KIAA0825: variants seen among roughly 807,000 people sequenced by gnomAD.
The protein encoded by KIAA0825 is uncharacterized protein KIAA0825.
KIAA0825 carries 119 observed loss-of-function variants against 147.6 expected under a neutral mutation model. The observed-to-expected ratio is 0.81, with a 90% confidence interval of 0.69 to 0.94. The LOEUF (loss-of-function observed/expected upper bound fraction) is 0.94. Ranked by LOEUF, KIAA0825 falls within the 40% of genes least tolerant of loss-of-function variation. The pLI is 0.00. For synonymous variants in KIAA0825, 470 were observed against 518.1 expected (o/e 0.91, Z 1.26); for missense variants, 1,381 against 1,472.7 (o/e 0.94, Z 1.02).
chr5:94,565,343 T>A (rs1473049211), intron 2 of KIAA0825, among the ~76,000 whole-genome samples: 2 of 130,904 alleles, frequency 1.5e-5, no homozygotes, highest in Admixed American at 1.5e-4. Context: ...GGATTTTAAT[T>A]CCTTTTTTTT....
At chr5:94,429,361 G>A (rs1755336812) in intron 14 of KIAA0825, among the ~76,000 whole-genome samples, 1 of 151,470 alleles carries the variant, frequency 6.6e-6, no homozygotes, top group South Asian at 2.1e-4. Context: ...TAGTATGTTT[G>A]CTTTTTCTTT....
intron 20 of KIAA0825, among the ~76,000 whole-genome samples, chr5:94,364,015 T>C (rs1584260635): frequency 2.0e-5 from 3 of 152,084 alleles, no homozygotes; most frequent in Admixed American, 2.0e-4. Context: ...AACAGACCCA[T>C]GCTTTCACCA....
At chr5:94,281,278 TCATTTAAAGTATAGA>T (rs1197972875) in intron 20 of KIAA0825, among the ~76,000 whole-genome samples, 1 of 151,568 alleles carries the variant, frequency 6.6e-6, no homozygotes, top group South Asian at 2.1e-4. Flanking sequence ...TTGCGTATTG[TCATTTAAAGTATAGA>T]CATAAATAAG....
chr5:94,299,044 C>A (rs376340076), intron 20 of KIAA0825, among the ~76,000 whole-genome samples: 1 of 152,042 alleles, frequency 6.6e-6, no homozygotes, highest in Non-Finnish European at 1.5e-5. Context: ...CAGCATATTG[C>A]ACATCACCAA....
At chr5:94,560,688 A>G (rs1008937421) in intron 2 of KIAA0825, among the ~76,000 whole-genome samples, 5 of 152,188 alleles carry the variant, frequency 3.3e-5, no homozygotes, top group African/African-American at 1.2e-4. Flanking sequence ...TTTTCTCCGT[A>G]AGATCTTAAA....
chr5:94,216,688 A>G lies in KIAA0825; in HGVS notation c.3711-62564T>C, dbSNP rs192945167. ...TCTTCTCACTTCCCCCACATAGAAAAGATTCACAAGAATTGTCTCTAAGAA... is the reference window on the plus strand; with the variant it reads ...TCTTCTCACTTCCCCCACATAGAAAGGATTCACAAGAATTGTCTCTAAGAA... On this transcript the variant is annotated intron_variant, in intron 20 of 20. Transcript: ENST00000682413. Among the ~76,000 whole-genome samples, 130 of 152,322 alleles carry G rather than the reference A, an allele frequency of 8.5e-4. 2 individuals carry two copies. Among genetic ancestry groups the G allele is most frequent in the Admixed American group, 8.4e-3 (129 of 15,284 alleles).
intron 1 of KIAA0825, among the ~76,000 whole-genome samples, chr5:94,587,600 C>T (rs1783552268): frequency 6.6e-6 from 1 of 152,062 alleles, no homozygotes; most frequent in African/African-American, 2.4e-5. Flanking sequence ...GAATCAATAT[C>T]GTGAAAATGG....
intron 20 of KIAA0825, among the ~76,000 whole-genome samples, chr5:94,298,746 G>C (rs1778253295): frequency 6.6e-6 from 1 of 152,190 alleles, no homozygotes; most frequent in African/African-American, 2.4e-5. Flanking sequence ...CCTTCGAGTA[G>C]TTTAGTGTTG....
chr5:94,180,200 T>A (rs1249822825), intron 20 of KIAA0825, among the ~76,000 whole-genome samples: 1 of 151,982 alleles, frequency 6.6e-6, no homozygotes, highest in Non-Finnish European at 1.5e-5. Context: ...CCTGATACAA[T>A]AAACTGACAA....
At chr5:94,530,448 C>T (rs1770564592) in intron 3 of KIAA0825, among the ~76,000 whole-genome samples, 1 of 152,042 alleles carries the variant, frequency 6.6e-6, no homozygotes, top group Admixed American at 6.6e-5. Flanking sequence ...CCATGCCTGG[C>T]TTAAAGAAAA....
chr5:94,540,430 G>T (rs1367682945), intron 2 of KIAA0825, among the ~76,000 whole-genome samples: 1 of 152,148 alleles, frequency 6.6e-6, no homozygotes, highest in Non-Finnish European at 1.5e-5. Flanking sequence ...TATGTCCTTG[G>T]GAGCTTGACC....
intron 20 of KIAA0825, among the ~76,000 whole-genome samples, chr5:94,308,411 T>C (rs1778882377): frequency 6.6e-6 from 1 of 151,682 alleles, no homozygotes; most frequent in Non-Finnish European, 1.5e-5. Context: ...GTTTTAAAGA[T>C]CAAGCAGCCA....
chr5:94,599,331 GTTTT>G (rs57220290), intron 1 of KIAA0825, among the ~76,000 whole-genome samples: 1 of 98,512 alleles, frequency 1.0e-5, no homozygotes, highest in Non-Finnish European at 2.0e-5. Context: ...GATTATTTGG[GTTTT>G]TTTTTTTTTT....
intron 7 of KIAA0825, 96 bp from the exon 8 acceptor site, chr5:94,473,615 G>T: frequency 1.3e-6 from 1 of 796,136 alleles, no homozygotes; most frequent in South Asian, 1.9e-5. Flanking sequence ...CATTCAACAT[G>T]TTGAATATAT....
In KIAA0825 at chr5:94,556,375, G is replaced by A. The variant is rs541476019; in HGVS notation, c.-1-19248C>T. 1.4e-4 allele frequency among the ~76,000 whole-genome samples: 21 copies of A among 152,134 alleles called. 1 individual carries two copies. The South Asian group carries it at 2.5e-3, about 18-fold the overall frequency. ...AGCATGAGCATGAGCCACATGCCCCGCCAGATGTCAATTACATTTTAAAGA... is the reference window on the plus strand; with the variant it reads ...AGCATGAGCATGAGCCACATGCCCCACCAGATGTCAATTACATTTTAAAGA... On this transcript the variant is annotated intron_variant, in intron 2 of 20. Coordinates refer to ENST00000682413, the MANE Select transcript of KIAA0825 (RefSeq NM_001145678.3).
intron 20 of KIAA0825, among the ~76,000 whole-genome samples, chr5:94,248,342 A>AAT (rs1775735188): frequency 6.6e-6 from 1 of 152,116 alleles, no homozygotes; most frequent in Admixed American, 6.6e-5. Context: ...TTGTGTCCTG[A>AAT]TTTGACACAA....
At chr5:94,321,759 T>G (rs1387758942) in intron 20 of KIAA0825, among the ~76,000 whole-genome samples, 2 of 151,986 alleles carry the variant, frequency 1.3e-5, no homozygotes, top group African/African-American at 4.8e-5. Flanking sequence ...ATTAACACAT[T>G]GCACATCTTC....
intron 20 of KIAA0825, among the ~76,000 whole-genome samples, chr5:94,296,126 G>A (rs1238374249): frequency 6.6e-6 from 1 of 152,198 alleles, no homozygotes; most frequent in Admixed American, 6.5e-5. Flanking sequence ...AATCTAAAGA[G>A]GCAGTCTGGC....
intron 6 of KIAA0825, among the ~76,000 whole-genome samples, chr5:94,484,282 A>G (rs147599135): frequency 3.0e-3 from 453 of 151,914 alleles, no homozygotes; most frequent in Non-Finnish European, 4.3e-3. Context: ...TCACAACCCT[A>G]TATAACATTA....
Sources: gnomAD v4.1 joint callset for allele counts (sites outside exome capture counted in the v4.1 genomes callset) on GRCh38, gnomAD v4.1.1 for gene constraint, MANE v1.5 for transcripts, NCBI Gene and HGNC (gene_info 2026-07-23, HGNC 2026-07-21) for gene names.